PHLDB2: variants seen among roughly 807,000 people sequenced by gnomAD.
PHLDB2 encodes pleckstrin homology-like domain family B member 2.
In PHLDB2, 71 loss-of-function variants were observed where a neutral mutation model predicts 123.6. That is an observed-to-expected ratio of 0.57 (90% confidence interval 0.47 to 0.70). PHLDB2 has a LOEUF of 0.70. Among genes scored for constraint, PHLDB2 ranks in the 30% least tolerant of loss-of-function variants. PHLDB2 has a pLI of 0.00. For synonymous variants in PHLDB2, 547 were observed against 541.6 expected, an observed-to-expected ratio of 1.01 and a Z score of -0.14; for missense variants, 1,446 against 1,519.5, an observed-to-expected ratio of 0.95 and a Z score of 0.80.
chr3:111,832,104 A>G (rs1294222429), intron 1 of PHLDB2, among the ~76,000 whole-genome samples: 1 of 152,126 alleles, frequency 6.6e-6, no homozygotes, highest in Non-Finnish European at 1.5e-5. Flanking sequence ...TGAGCCCTAC[A>G]AGAACCACAA....
At chr3:111,808,486 T>C (rs1478984264) in intron 1 of PHLDB2, among the ~76,000 whole-genome samples, 1 of 130,334 alleles carries the variant, frequency 7.7e-6, no homozygotes, top group Admixed American at 8.4e-5. Flanking sequence ...TAAACATATA[T>C]TCTGGGTTTT....
At position 111,885,016 on chromosome 3, in the gene PHLDB2, C is replaced by T. The variant is rs142557577; in HGVS notation, c.939C>T (p.Pro313=). ...CTTCTTTGAGCTCAGGGGCTTTACCCTATAAAACCTCTGCTTCTGAAGGCA... is the reference window on the plus strand; with the variant it reads ...CTTCTTTGAGCTCAGGGGCTTTACCTTATAAAACCTCTGCTTCTGAAGGCA... ...NFSSLSSGAL[P]YKTSASEGNP... The change falls in exon 2 of 18, where the codon CCC becomes CCT. Residue 313 remains proline, a synonymous_variant. Transcript: ENST00000431670. 3 of 1,614,158 alleles carry T rather than the reference C, an allele frequency of 1.9e-6. No homozygotes were observed. In the Admixed American group the frequency reaches 5.0e-5, roughly 27 times the overall value.
intron 1 of PHLDB2, among the ~76,000 whole-genome samples, chr3:111,873,983 T>C (rs1301399305): frequency 6.6e-6 from 1 of 152,212 alleles, no homozygotes; most frequent in Non-Finnish European, 1.5e-5. Flanking sequence ...TCCTAGATTT[T>C]AAAAAACGGT....
chr3:111,958,401 C>T, intron 12 of PHLDB2: 1 of 695,120 alleles, frequency 1.4e-6, no homozygotes, highest in South Asian at 5.3e-5. Flanking sequence ...GCCCAGATAG[C>T]CATGTAAAAG....
Position 111,862,546 on chromosome 3 carries a change from C to T in PHLDB2, c.-15+2970C>T, listed in dbSNP as rs538706721. Among the ~76,000 whole-genome samples the T allele has an allele frequency of 5.9e-5, 9 of 152,202 alleles. No homozygotes were observed. The South Asian group carries it at 1.2e-3, about 21-fold the overall frequency. ...GGATGCGGTTAAGCACCCTGCCATG[C>T]ACGGGACACAAAAACAATTATGCAG... On this transcript the variant is annotated intron_variant, in intron 1 of 17. Transcript: ENST00000431670.
chr3:111,866,014 A>ATTTTGTTTTTTTTTTTTT (rs2065053337), intron 1 of PHLDB2, among the ~76,000 whole-genome samples: 1 of 57,430 alleles, frequency 1.7e-5, no homozygotes, highest in Non-Finnish European at 3.0e-5. Context: ...CCACCCACTC[A>ATTTTGTTTTTTTTTTTTT]TTTTTTTTTT....
intron 2 of PHLDB2, among the ~76,000 whole-genome samples, chr3:111,905,988 C>G (rs2067507272): frequency 6.6e-6 from 1 of 152,164 alleles, no homozygotes; most frequent in Non-Finnish European, 1.5e-5. Flanking sequence ...CGATGGACCA[C>G]AAATATGATA....
intron 10 of PHLDB2, among the ~76,000 whole-genome samples, chr3:111,952,137 G>T (rs2070751102): frequency 6.6e-6 from 1 of 152,098 alleles, no homozygotes; most frequent in Non-Finnish European, 1.5e-5. Context: ...CAACTTCCCT[G>T]TTTACTCGCT....
intron 1 of PHLDB2, among the ~76,000 whole-genome samples, chr3:111,772,332 T>A (rs901780762): frequency 2.0e-5 from 3 of 152,138 alleles, no homozygotes; most frequent in African/African-American, 7.2e-5. Context: ...TTCTATTTTT[T>A]AAATAAATTA....
At chr3:111,818,848 A>G (rs977320532) in intron 1 of PHLDB2, among the ~76,000 whole-genome samples, 2 of 151,930 alleles carry the variant, frequency 1.3e-5, no homozygotes, top group Non-Finnish European at 2.9e-5. Context: ...TCCTCTCCTC[A>G]AGGTTGGTTT....
At chr3:111,908,834 G>A (rs140189352) in intron 2 of PHLDB2, among the ~76,000 whole-genome samples, 1,687 of 151,398 alleles carry the variant, frequency 0.011, 15 homozygotes, top group Middle Eastern at 0.037. Flanking sequence ...GAAACATCAG[G>A]ATTTGTACAT....
chr3:111,939,752 C>A, intron 7 of PHLDB2, 122 bp downstream of exon 7: 1 of 978,918 alleles, frequency 1.0e-6, no homozygotes, highest in Non-Finnish European at 1.5e-6. Flanking sequence ...ATGTATGTGG[C>A]AAATGGTGTT....
intron 1 of PHLDB2, among the ~76,000 whole-genome samples, chr3:111,786,771 C>G (rs933199321): frequency 6.6e-6 from 1 of 151,950 alleles, no homozygotes; most frequent in Admixed American, 6.6e-5. Context: ...AATATCATTA[C>G]CAGATGATCT....
At chr3:111,773,764 A>G (rs1018496945) in intron 1 of PHLDB2, among the ~76,000 whole-genome samples, 2 of 152,242 alleles carry the variant, frequency 1.3e-5, no homozygotes, top group African/African-American at 4.8e-5. Context: ...GCTTATTCTC[A>G]GTAAACTATT....
At chr3:111,969,023 T>C (rs557394314) in intron 15 of PHLDB2, among the ~76,000 whole-genome samples, 60 of 152,332 alleles carry the variant, frequency 3.9e-4, no homozygotes, top group Non-Finnish European at 7.1e-4. Context: ...TTGGACGGGC[T>C]TTCATACCAG....
At chr3:111,855,361 A>G (rs944000738), upstream of PHLDB2, among the ~76,000 whole-genome samples, 2 of 151,990 alleles carry the variant, frequency 1.3e-5, no homozygotes, top group African/African-American at 4.8e-5. Context: ...AAACTTTATT[A>G]TAAAGAACCC....
intron 1 of PHLDB2, among the ~76,000 whole-genome samples, chr3:111,811,531 C>T (rs771899117): frequency 6.6e-6 from 1 of 152,022 alleles, no homozygotes. Context: ...GGTTTTTAAC[C>T]TGTAGGCCCC....
intron 1 of PHLDB2, among the ~76,000 whole-genome samples, chr3:111,765,214 C>A (rs557844140): frequency 5.3e-5 from 8 of 152,164 alleles, no homozygotes; most frequent in African/African-American, 1.7e-4. Context: ...TCTTCACTAA[C>A]GCACTTTCTA....
At chr3:111,847,125 AT>A (rs368837294) in intron 2 of PHLDB2, among the ~76,000 whole-genome samples, 6 of 151,236 alleles carry the variant, frequency 4.0e-5, no homozygotes, top group South Asian at 2.1e-4. Context: ...ACCAAATGAC[AT>A]TTTTTTTTGT....
Sources: gnomAD v4.1 joint callset for allele counts (sites outside exome capture counted in the v4.1 genomes callset) on GRCh38, gnomAD v4.1.1 for gene constraint, MANE v1.5 for transcripts, NCBI Gene and HGNC (gene_info 2026-07-23, HGNC 2026-07-21) for gene names.